CSMD1: variants seen among roughly 807,000 people sequenced by gnomAD.
CSMD1 encodes the protein CUB and sushi domain-containing protein 1.
CSMD1 carries 213 observed loss-of-function variants against 417.5 expected under a neutral mutation model. The ratio of observed to expected loss-of-function variants is 0.51; its 90% CI spans 0.46 to 0.57. CSMD1 has a LOEUF of 0.57. Ranked by LOEUF, CSMD1 falls within the 20% of genes least tolerant of loss-of-function variation. The probability of loss-of-function intolerance (pLI) is 0.00; values close to 1 mark genes in which losing one functional copy is unlikely to be tolerated. For missense variants in CSMD1, 6,923 were observed against 4,529.7 expected, an observed-to-expected ratio of 1.53 and a Z score of -15.17; for synonymous variants, 2,862 against 1,736.8, an observed-to-expected ratio of 1.65 and a Z score of -16.11.
At chr8:4,736,321 T>A (rs1196953101) in intron 1 of CSMD1, among the ~76,000 whole-genome samples, 2 of 152,198 alleles carry the variant, frequency 1.3e-5, no homozygotes, top group East Asian at 1.9e-4. Flanking sequence ...GGTAGTTGAT[T>A]ATTCTTGGAG....
chr8:3,471,366 T>G (rs773616944), intron 11 of CSMD1, among the ~76,000 whole-genome samples: 4 of 152,182 alleles, frequency 2.6e-5, no homozygotes, highest in Admixed American at 6.5e-5. Context: ...TGTCAGAAAT[T>G]AGCAGTTTTG....
chr8:4,106,105 C>G (rs1460312186), intron 3 of CSMD1, among the ~76,000 whole-genome samples: 1 of 152,154 alleles, frequency 6.6e-6, no homozygotes, highest in Non-Finnish European at 1.5e-5. Context: ...CAGGACAACC[C>G]TTGTGGGTGG....
intron 5 of CSMD1, among the ~76,000 whole-genome samples, chr8:3,809,477 G>T (rs1013772341): frequency 1.3e-5 from 2 of 152,136 alleles, no homozygotes; most frequent in African/African-American, 4.8e-5. Flanking sequence ...GTTCATACTG[G>T]GCTGCGTGAT....
chr8:4,087,797 AT>A (rs1800498510), intron 3 of CSMD1, among the ~76,000 whole-genome samples: 1 of 151,878 alleles, frequency 6.6e-6, no homozygotes, highest in Non-Finnish European at 1.5e-5. Context: ...TCTCACATTT[AT>A]TTTTATTTTA....
chr8:4,340,610 G>C (rs1257064760), intron 3 of CSMD1, among the ~76,000 whole-genome samples: 1 of 152,084 alleles, frequency 6.6e-6, no homozygotes, highest in Non-Finnish European at 1.5e-5. Flanking sequence ...ACTCTTGCTT[G>C]GCTGCGCCTC....
At chr8:3,716,644 C>A (rs1024101039) in intron 6 of CSMD1, among the ~76,000 whole-genome samples, 2 of 152,128 alleles carry the variant, frequency 1.3e-5, no homozygotes, top group African/African-American at 4.8e-5. Context: ...CTTGTGCTAA[C>A]CTCCTCTCTC....
chr8:4,960,154 C>A (rs1485105167), intron 1 of CSMD1, among the ~76,000 whole-genome samples: 2 of 152,066 alleles, frequency 1.3e-5, no homozygotes, highest in African/African-American at 4.8e-5. Context: ...TGTACTAGAC[C>A]CACAAAACTC....
chr8:3,212,149 C>A (rs1433862483), intron 30 of CSMD1, among the ~76,000 whole-genome samples: 4 of 152,192 alleles, frequency 2.6e-5, no homozygotes, highest in Non-Finnish European at 5.9e-5. Flanking sequence ...CTCCCTCACC[C>A]ATGAGCACGC....
At chr8:3,050,219 G>C (rs887321987) in intron 50 of CSMD1, among the ~76,000 whole-genome samples, 1 of 151,590 alleles carries the variant, frequency 6.6e-6, no homozygotes, top group Non-Finnish European at 1.5e-5. Context: ...GAGTATTTCA[G>C]TGCATACCCA....
intron 1 of CSMD1, among the ~76,000 whole-genome samples, chr8:4,992,860 C>T (rs1436489014): frequency 6.6e-6 from 1 of 152,166 alleles, no homozygotes; most frequent in African/African-American, 2.4e-5. Flanking sequence ...GACTAAGACC[C>T]ACTGTTTGCG....
chr8:3,281,572 G>C (rs1412072018), intron 26 of CSMD1, among the ~76,000 whole-genome samples: 1 of 152,144 alleles, frequency 6.6e-6, no homozygotes, highest in South Asian at 2.1e-4. Context: ...AGTGAAAGAA[G>C]ACAACATGAA....
In CSMD1 at chr8:4,494,920, A is replaced by G. The variant is rs146581306; in HGVS notation, c.303-74855T>C. Among the ~76,000 whole-genome samples, 765 of 152,352 alleles carry G rather than the reference A, an allele frequency of 5.0e-3. 5 individuals are homozygous for G. Among genetic ancestry groups the G allele is most frequent in the African/African-American group, 0.017 (717 of 41,588 alleles). The stretch of plus-strand genomic sequence containing the variant: ...TTGTTAGGACAAATTGAAAGAAGAA[A>G]AAATACGCAGTGATATACATAATTA... On this transcript the variant is annotated intron_variant, in intron 2 of 69. Coordinates refer to ENST00000635120, the MANE Select transcript of CSMD1 (RefSeq NM_033225.6).
At chr8:3,365,528 A>G (rs1585057792) in intron 20 of CSMD1, among the ~76,000 whole-genome samples, 1 of 152,240 alleles carries the variant, frequency 6.6e-6, no homozygotes, top group Non-Finnish European at 1.5e-5. Context: ...ATTGTTTTCA[A>G]TAAATACATT....
At chr8:3,120,619 C>T (rs907631089) in intron 41 of CSMD1, among the ~76,000 whole-genome samples, 22 of 151,790 alleles carry the variant, frequency 1.4e-4, no homozygotes, top group African/African-American at 3.6e-4. Flanking sequence ...GAGGCCGAAG[C>T]GGGTGGATCA....
intron 2 of CSMD1, among the ~76,000 whole-genome samples, chr8:4,594,121 A>G (rs1270294023): frequency 1.3e-5 from 2 of 149,214 alleles, no homozygotes; most frequent in African/African-American, 2.5e-5. Context: ...TCCCCTTTTT[A>G]TAAGGACACT....
chr8:3,124,536 T>C (rs1206663555), intron 41 of CSMD1, among the ~76,000 whole-genome samples: 1 of 152,182 alleles, frequency 6.6e-6, no homozygotes. Context: ...GTATGTGTTC[T>C]AAACATAGAA....
intron 1 of CSMD1, among the ~76,000 whole-genome samples, chr8:4,656,031 G>C (rs890791543): frequency 6.6e-6 from 1 of 152,106 alleles, no homozygotes. Flanking sequence ...GCTCTGTTGG[G>C]AGATGAGTAG....
intron 1 of CSMD1, among the ~76,000 whole-genome samples, chr8:4,928,723 A>T (rs1238406645): frequency 1.3e-5 from 2 of 152,140 alleles, no homozygotes; most frequent in Non-Finnish European, 2.9e-5. Context: ...AATAATCCCC[A>T]GTGCCTCAGA....
chr8:4,186,586 C>G (rs916552032), intron 3 of CSMD1, among the ~76,000 whole-genome samples: 1 of 152,140 alleles, frequency 6.6e-6, no homozygotes, highest in African/African-American at 2.4e-5. Context: ...CTCAGCATTG[C>G]TAATGTCAAA....
Sources: allele counts gnomAD v4.1 joint callset (sites outside exome capture counted in the v4.1 genomes callset), GRCh38; gene constraint gnomAD v4.1.1; transcripts MANE v1.5; gene names NCBI Gene and HGNC (gene_info 2026-07-23, HGNC 2026-07-21).